INVS: variants seen among roughly 807,000 people sequenced by gnomAD.
INVS encodes the protein inversion of embryo turning homolog.
A neutral mutation model predicts 108.8 loss-of-function variants in INVS; 86 were observed. The observed-to-expected ratio is 0.79, with a 90% CI of 0.66 to 0.95. INVS has a LOEUF of 0.95. INVS is among the 40% of genes least tolerant of loss of function. The pLI is 0.00. For synonymous variants in INVS, 455 were observed against 473.5 expected (o/e 0.96, Z 0.51); for missense variants, 1,169 against 1,297.4 (o/e 0.90, Z 1.52).
intron 3 of INVS, among the ~76,000 whole-genome samples, chr9:100,142,344 G>A (rs567663517): frequency 2.0e-5 from 3 of 152,292 alleles, no homozygotes; most frequent in African/African-American, 7.2e-5. Flanking sequence ...GTAGTGGAGG[G>A]GGGCAGAGCG....
chr9:100,219,837 G>C (rs1831092350), intron 3 of INVS, among the ~76,000 whole-genome samples: 1 of 151,842 alleles, frequency 6.6e-6, no homozygotes, highest in South Asian at 2.1e-4. Flanking sequence ...AAGACCATTT[G>C]TACAAAGATT....
chr9:100,295,501 T>C (rs1014966137), intron 14 of INVS, among the ~76,000 whole-genome samples: 2 of 152,116 alleles, frequency 1.3e-5, no homozygotes, highest in African/African-American at 4.8e-5. Flanking sequence ...CCTGCAAGTG[T>C]ATCTGATAGC....
intron 3 of INVS, among the ~76,000 whole-genome samples, chr9:100,156,652 G>C (rs906045820): frequency 1.3e-5 from 2 of 152,018 alleles, no homozygotes; most frequent in African/African-American, 4.8e-5. Context: ...ACAAGTTTCA[G>C]TCACTTCCAT....
intron 2 of INVS, among the ~76,000 whole-genome samples, chr9:100,125,976 G>A (rs144134739): frequency 1.9e-3 from 296 of 152,080 alleles, no homozygotes; most frequent in Non-Finnish European, 3.2e-3. Context: ...GTGAGCCACC[G>A]CACCCAGCCT....
intron 10 of INVS, among the ~76,000 whole-genome samples, chr9:100,261,488 C>T (rs147761829): frequency 6.6e-6 from 1 of 151,952 alleles, no homozygotes; most frequent in Non-Finnish European, 1.5e-5. Flanking sequence ...AGGATGGTCT[C>T]GATCTCCTGA....
At chr9:100,224,040 A>C (rs1588101251) in intron 3 of INVS, among the ~76,000 whole-genome samples, 5 of 152,208 alleles carry the variant, frequency 3.3e-5, no homozygotes, top group Admixed American at 1.3e-4. Flanking sequence ...GATGAGCAAA[A>C]AAAACAAAAC....
chr9:100,226,261 T>G, intron 4 of INVS, 26 bp downstream of exon 4: 1 of 1,600,392 alleles, frequency 6.2e-7, no homozygotes, highest in East Asian at 2.2e-5. Context: ...AATCAAAGAC[T>G]AATAAGACCA....
At chr9:100,284,286 A>AT (rs767967799) in intron 12 of INVS, 34 bp from the exon 13 acceptor site, 12 of 1,612,774 alleles carry the variant, frequency 7.4e-6, no homozygotes, top group Non-Finnish European at 1.0e-5. Context: ...TACTCTTTAA[A>AT]TTTTTTCATC....
chr9:100,275,477 C>T (rs1037850423), intron 12 of INVS, among the ~76,000 whole-genome samples: 2 of 152,166 alleles, frequency 1.3e-5, no homozygotes, highest in African/African-American at 2.4e-5. Context: ...GGTGGAGAAA[C>T]TGATTTCATT....
At position 100,144,345 on chromosome 9, in the gene INVS, C is replaced by T. The variant is rs529837751; in HGVS notation, c.273+17796C>T. On this transcript the variant is annotated intron_variant, in intron 3 of 16. Coordinates refer to ENST00000262457, the MANE Select transcript of INVS (RefSeq NM_014425.5). ...AAGTCCTGTTGTGGGGTTTCAGGGC[C>T]GGAATTTAATTTTTGGAGCTTTATT... is the stretch of plus-strand genomic sequence containing the variant. Among the ~76,000 whole-genome samples the T allele has an allele frequency of 1.3e-3, 197 of 152,112 alleles. 1 individual carries two copies. The highest frequency in any genetic ancestry group is 4.2e-3 in the African/African-American group (175 of 41,470).
chr9:100,177,089 G>A (rs180751129), intron 3 of INVS, among the ~76,000 whole-genome samples: 19 of 151,944 alleles, frequency 1.3e-4, no homozygotes, highest in African/African-American at 2.7e-4. Flanking sequence ...GGTGCATTCC[G>A]GTCCAGATAC....
intron 3 of INVS, among the ~76,000 whole-genome samples, chr9:100,208,357 GA>G (rs1830736070): frequency 6.6e-6 from 1 of 152,160 alleles, no homozygotes; most frequent in Non-Finnish European, 1.5e-5. Context: ...GTCAGCATTT[GA>G]TTAAACCCTT....
At chr9:100,161,134 G>A (rs1438941182) in intron 3 of INVS, among the ~76,000 whole-genome samples, 1 of 151,746 alleles carries the variant, frequency 6.6e-6, no homozygotes, top group Non-Finnish European at 1.5e-5. Flanking sequence ...CCAGCACTTT[G>A]GGAGGCCGAG....
chr9:100,144,316 A>G (rs946581901), intron 3 of INVS, among the ~76,000 whole-genome samples: 17 of 152,146 alleles, frequency 1.1e-4, no homozygotes, highest in African/African-American at 3.9e-4. Flanking sequence ...AGGCGAGGTT[A>G]ATTAAGTCCT....
chr9:100,274,981 C>A (rs1017211901), intron 12 of INVS, among the ~76,000 whole-genome samples: 2 of 152,258 alleles, frequency 1.3e-5, no homozygotes, highest in Admixed American at 6.5e-5. Flanking sequence ...AAGTTAAATA[C>A]CACTATGTAC....
chr9:100,163,301 G>A (rs547601829), intron 3 of INVS, among the ~76,000 whole-genome samples: 13 of 149,966 alleles, frequency 8.7e-5, no homozygotes, highest in African/African-American at 3.2e-4. Context: ...CACCTCACAT[G>A]TTGTTACCCC....
chr9:100,295,754 G>A (rs1833770872), intron 14 of INVS, among the ~76,000 whole-genome samples: 2 of 152,240 alleles, frequency 1.3e-5, no homozygotes, highest in Non-Finnish European at 2.9e-5. Flanking sequence ...AAGCTGAGCA[G>A]GAAAGGTGCT....
intron 3 of INVS, among the ~76,000 whole-genome samples, chr9:100,161,388 A>AACAAAAAAAAAACAAAAAAAAAAC (rs1554718617): frequency 7.2e-6 from 1 of 139,046 alleles, no homozygotes; most frequent in African/African-American, 2.9e-5. Context: ...AAAAAAAAAA[A>AACAAAAAAAAAACAAAAAAAAAAC]AAAACCTCAT....
At chr9:100,205,974 A>G (rs1830664740) in intron 3 of INVS, among the ~76,000 whole-genome samples, 1 of 152,128 alleles carries the variant, frequency 6.6e-6, no homozygotes, top group South Asian at 2.1e-4. Flanking sequence ...GATCTTAGAC[A>G]GTTTGTGAAT....
Sources: allele counts gnomAD v4.1 joint callset (sites outside exome capture counted in the v4.1 genomes callset), GRCh38; gene constraint gnomAD v4.1.1; transcripts MANE v1.5; gene names NCBI Gene and HGNC (gene_info 2026-07-23, HGNC 2026-07-21).